MACC1: variants seen among roughly 807,000 people sequenced by gnomAD.
MACC1 encodes the protein MET transcriptional regulator MACC1.
Under a neutral mutation model 70.7 loss-of-function variants are expected in MACC1, and 79 were observed. The ratio of observed to expected loss-of-function variants is 1.12; its 90% CI spans 0.93 to 1.35. The LOEUF (loss-of-function observed/expected upper bound fraction) is 1.35. Ranked by LOEUF, MACC1 falls within the 40% of genes most tolerant of loss-of-function variation. MACC1 has a pLI of 0.00. For missense variants in MACC1, 1,106 were observed against 978.1 expected, an observed-to-expected ratio of 1.13 and a Z score of -1.74; for synonymous variants, 361 against 347.2, an observed-to-expected ratio of 1.04 and a Z score of -0.44.
chr7:20,216,902 C>T (rs949509092), intron 1 of MACC1, among the ~76,000 whole-genome samples: 3 of 152,168 alleles, frequency 2.0e-5, no homozygotes, highest in African/African-American at 7.2e-5. Context: ...GCAACTTTAT[C>T]TATCTTCAAA....
intron 6 of MACC1, among the ~76,000 whole-genome samples, chr7:20,145,151 C>T (rs896251859): frequency 2.6e-5 from 4 of 151,838 alleles, no homozygotes; most frequent in Non-Finnish European, 5.9e-5. Context: ...AGATTTTTTC[C>T]CTCTGCAGGG....
chr7:20,191,951 G>GT (rs1562598248), intron 1 of MACC1, among the ~76,000 whole-genome samples: 1 of 152,044 alleles, frequency 6.6e-6, no homozygotes, highest in Non-Finnish European at 1.5e-5. Context: ...TTTGATATCC[G>GT]TTTTTTATCA....
chr7:20,209,267 C>T (rs903139514), intron 1 of MACC1, among the ~76,000 whole-genome samples: 1 of 152,166 alleles, frequency 6.6e-6, no homozygotes, highest in East Asian at 1.9e-4. Flanking sequence ...ACATTTTGTA[C>T]CATATGCCTG....
chr7:20,173,241 A>G (rs181473797), intron 1 of MACC1, among the ~76,000 whole-genome samples: 2 of 152,364 alleles, frequency 1.3e-5, no homozygotes, highest in African/African-American at 4.8e-5. Context: ...TTCTAAAAAC[A>G]TATTATTAAA....
At chr7:20,192,905 G>C (rs1782694222) in intron 1 of MACC1, among the ~76,000 whole-genome samples, 1 of 152,218 alleles carries the variant, frequency 6.6e-6, no homozygotes, top group African/African-American at 2.4e-5. Context: ...TTGAGGGAAT[G>C]TCTTTGACAA....
intron 1 of MACC1, among the ~76,000 whole-genome samples, chr7:20,186,000 T>A (rs1242346313): frequency 6.6e-6 from 1 of 152,014 alleles, no homozygotes; most frequent in African/African-American, 2.4e-5. Context: ...ACACACAAAG[T>A]CGCATATGGC....
intron 1 of MACC1, among the ~76,000 whole-genome samples, chr7:20,180,387 G>A (rs191140595): frequency 6.6e-6 from 1 of 150,680 alleles, no homozygotes; most frequent in Non-Finnish European, 1.5e-5. Flanking sequence ...AGGTTGCAGT[G>A]AGCCGAGATT....
intron 1 of MACC1, among the ~76,000 whole-genome samples, chr7:20,172,918 T>A (rs1355798322): frequency 6.6e-6 from 1 of 152,218 alleles, no homozygotes; most frequent in Non-Finnish European, 1.5e-5. Flanking sequence ...GCCTCAGAGT[T>A]GTCCCCACAG....
At chr7:20,195,242 G>A (rs1394910291) in intron 1 of MACC1, among the ~76,000 whole-genome samples, 2 of 151,924 alleles carry the variant, frequency 1.3e-5, no homozygotes, top group Non-Finnish European at 2.9e-5. Flanking sequence ...CTTCCAACCC[G>A]CCGTACCTTG....
rs967747913 is a variant in MACC1 at position 20,215,016 on chromosome 7, G to A, written c.-218+2283C>T. On this transcript the variant is annotated intron_variant, in intron 1 of 6. Coordinates refer to ENST00000400331, the MANE Select transcript of MACC1 (RefSeq NM_182762.4). ...CCTTCCTCTGGCAGCCTGGGTACGC[G>A]TCTCTTCTGTGTTTTAGGAAGTCAC... 5.3e-5 allele frequency among the ~76,000 whole-genome samples: 8 copies of A among 152,034 alleles called. No individual in the cohort carries two copies. In the East Asian group the frequency reaches 1.3e-3, roughly 26 times the overall value.
At chr7:20,150,054 T>C (rs886826195) in intron 6 of MACC1, among the ~76,000 whole-genome samples, 1 of 152,220 alleles carries the variant, frequency 6.6e-6, no homozygotes. Context: ...AGAGATACTG[T>C]AAAGAAAATG....
Position 20,181,626 on chromosome 7 carries a change from T to G in MACC1, c.-217-10848A>C, listed in dbSNP as rs1782508424. Among the ~76,000 whole-genome samples, 3 of 152,074 alleles carry G rather than the reference T, an allele frequency of 2.0e-5. No individual in the cohort carries two copies. In the South Asian group the frequency reaches 6.2e-4, roughly 31 times the overall value. On this transcript the variant is annotated intron_variant, in intron 1 of 6. Coordinates refer to ENST00000400331, the MANE Select transcript of MACC1 (RefSeq NM_182762.4). ...CCAACAACCTAGAAATAGATGAAAA[T>G]TTTTATCTGGTAAAGAGTATTTGCC...
At chr7:20,178,447 G>A (rs1782447160) in intron 1 of MACC1, among the ~76,000 whole-genome samples, 1 of 151,986 alleles carries the variant, frequency 6.6e-6, no homozygotes, top group South Asian at 2.1e-4. Flanking sequence ...ATTATCTTTC[G>A]GCATGTATTA....
intron 6 of MACC1, among the ~76,000 whole-genome samples, chr7:20,149,992 T>C (rs1180943282): frequency 1.3e-5 from 2 of 152,200 alleles, no homozygotes; most frequent in African/African-American, 2.4e-5. Flanking sequence ...TTTGTATATA[T>C]GTAAAGAGCA....
intron 1 of MACC1, among the ~76,000 whole-genome samples, chr7:20,183,154 A>G (rs1782535690): frequency 6.6e-6 from 1 of 152,214 alleles, no homozygotes; most frequent in African/African-American, 2.4e-5. Flanking sequence ...TTAATGAAGT[A>G]GGCCCTTTAA....
chr7:20,184,469 C>G (rs1219890271), intron 1 of MACC1, among the ~76,000 whole-genome samples: 1 of 152,108 alleles, frequency 6.6e-6, no homozygotes, highest in African/African-American at 2.4e-5. Context: ...CTCCTTTTTT[C>G]TTTCTCATTA....
At chr7:20,209,724 G>A (rs1174096619) in intron 1 of MACC1, among the ~76,000 whole-genome samples, 1 of 152,186 alleles carries the variant, frequency 6.6e-6, no homozygotes, top group Non-Finnish European at 1.5e-5. Context: ...TGAAATGTGA[G>A]AACATGAGAT....
intron 1 of MACC1, among the ~76,000 whole-genome samples, chr7:20,198,973 A>C (rs543876227): frequency 1.6e-4 from 24 of 152,342 alleles, no homozygotes; most frequent in African/African-American, 5.3e-4. Context: ...AATGTTACAA[A>C]ATACTTCTCA....
At chr7:20,215,636 C>T (rs1783058365) in intron 1 of MACC1, among the ~76,000 whole-genome samples, 1 of 152,154 alleles carries the variant, frequency 6.6e-6, no homozygotes, top group African/African-American at 2.4e-5. Context: ...TCACTTATCA[C>T]CAAATGCCAT....
Sources: gnomAD v4.1 joint callset for allele counts (sites outside exome capture counted in the v4.1 genomes callset) on GRCh38, gnomAD v4.1.1 for gene constraint, MANE v1.5 for transcripts, NCBI Gene and HGNC (gene_info 2026-07-23, HGNC 2026-07-21) for gene names.